Variants in BOD1 observed in about 807,000 individuals in gnomAD.
BOD1 encodes the protein biorientation of chromosomes in cell division protein 1.
A neutral mutation model predicts 15.7 loss-of-function variants in BOD1; 11 were observed. The observed-to-expected ratio is 0.70, with a 90% confidence interval of 0.44 to 1.16. The LOEUF (loss-of-function observed/expected upper bound fraction) is 1.16, where lower values mean the gene tolerates loss of function less well. Ranked by LOEUF, BOD1 falls within the 50% of genes most tolerant of loss-of-function variation. The pLI is 0.00. For missense variants in BOD1, 182 were observed against 244.5 expected, an observed-to-expected ratio of 0.74 and a Z score of 1.70; for synonymous variants, 105 against 103.5, an observed-to-expected ratio of 1.01 and a Z score of -0.09.
intron 2 of BOD1, chr5:173,609,673 T>C: frequency 4.4e-6 from 2 of 457,652 alleles, no homozygotes; most frequent in South Asian, 4.0e-5. Context: ...CACCCAACCT[T>C]GTACAAAAGA....
chr5:173,611,067 T>C (rs925507448), intron 2 of BOD1, among the ~76,000 whole-genome samples: 1 of 152,128 alleles, frequency 6.6e-6, no homozygotes, highest in African/African-American at 2.4e-5. Flanking sequence ...CGGCGCCTTG[T>C]TAAAGCATCC....
intron 3 of BOD1, among the ~76,000 whole-genome samples, chr5:173,608,843 T>C (rs556358266): frequency 6.6e-6 from 1 of 152,342 alleles, no homozygotes; most frequent in African/African-American, 2.4e-5. Flanking sequence ...CTGAATCCCA[T>C]TTAGGATATC....
chr5:173,616,558 G>A lies in BOD1; in HGVS notation c.-122C>T, dbSNP rs550758343. On this transcript the variant is annotated 5_prime_UTR_variant, in exon 1 of 4. Transcript: ENST00000311086. The stretch of plus-strand genomic sequence containing the variant: ...AGGAGGGCCCCAAGGCGGCAGCGGC[G>A]GAGGTGGCGATGGCGGCAGGGGCGG... The A allele has an allele frequency of 1.2e-3, 1,685 of 1,389,550 alleles. 2 individuals carry two copies. Among genetic ancestry groups the A allele is most frequent in the African/African-American group, 4.0e-3 (259 of 65,452 alleles). 86.1% of individuals were successfully genotyped at this position (1,389,550 alleles called of 1,614,324 possible). A position where few individuals can be genotyped will look rare whatever the true frequency, so the allele number is the denominator to read the frequency against.
At position 173,616,596 on chromosome 5, in the gene BOD1, C is replaced by A; in HGVS notation, c.-160G>T. ...GCGGCAGGGGCGGTGGTGGGGGCGG[C>A]GGCGGCGAAGGCCCCCTCTGATACA... On this transcript the variant is annotated 5_prime_UTR_variant, in exon 1 of 4. Transcript: ENST00000311086. 1.5e-6 allele frequency: 2 copies of A among 1,351,372 alleles called. No homozygotes were observed. Among genetic ancestry groups the A allele is most frequent in the South Asian group, 1.8e-5 (1 of 56,302 alleles). 83.7% of individuals were successfully genotyped at this position (1,351,372 alleles called of 1,614,324 possible). A position where few individuals can be genotyped will look rare whatever the true frequency, so the allele number is the denominator to read the frequency against.
chr5:173,608,307 T>C lies in BOD1; in HGVS notation c.*2-15A>G, dbSNP rs1469297639. On this transcript the variant is annotated splice_polypyrimidine_tract_variant and intron_variant, in intron 3 of 3. Transcript: ENST00000311086. ...TCTGGCGTATTCTAAAAAGGAAAGA[T>C]AATCATATCAAAATGTTATTTATTG... 1.3e-6 allele frequency: 2 copies of C among 1,586,692 alleles called. No homozygotes were observed. Among genetic ancestry groups the C allele is most frequent in the South Asian group, 1.1e-5 (1 of 90,494 alleles).
In BOD1 at chr5:173,616,180, G is replaced by T; in HGVS notation, c.237+20C>A. On this transcript the variant is annotated intron_variant, in intron 1 of 3. Coordinates refer to ENST00000311086, the MANE Select transcript of BOD1 (RefSeq NM_138369.3). ...CTCACGTGCAGCCCCGCTCCCCAACGCCCAGGCGGCCGCAGCTACCTTGGT... is the reference window on the plus strand; with the variant it reads ...CTCACGTGCAGCCCCGCTCCCCAACTCCCAGGCGGCCGCAGCTACCTTGGT... 6.4e-7 allele frequency: 1 copy of T among 1,568,372 alleles called. No individual in the cohort carries two copies.
intron 2 of BOD1, 115 bp from the exon 3 acceptor site, chr5:173,609,549 C>T (rs373555099): frequency 2.7e-6 from 3 of 1,092,182 alleles, no homozygotes; most frequent in Non-Finnish European, 2.7e-6. Context: ...TACAGCCCTT[C>T]TAGGGAGTTT....
chr5:173,610,265 T>C (rs548742219), intron 2 of BOD1, among the ~76,000 whole-genome samples: 1 of 152,240 alleles, frequency 6.6e-6, no homozygotes, highest in Non-Finnish European at 1.5e-5. Context: ...AGGTTTTACT[T>C]ATTTTCCCGT....
chr5:173,609,772 G>C (rs1401089162), intron 2 of BOD1: 3 of 245,924 alleles, frequency 1.2e-5, no homozygotes, highest in African/African-American at 6.7e-5. Context: ...GCACTGAAAA[G>C]CTTCCTCGTA....
chr5:173,608,648 CTAA>C (rs1484008465), intron 3 of BOD1, among the ~76,000 whole-genome samples: 4 of 152,362 alleles, frequency 2.6e-5, no homozygotes, highest in Non-Finnish European at 4.4e-5. Flanking sequence ...GCTGCTCCTA[CTAA>C]TGTCTCCCAA....
At position 173,607,603 on chromosome 5, in the gene BOD1, A is replaced by G. The variant is rs1245984032; in HGVS notation, c.*691T>C. 1 of 152,374 alleles carries G rather than the reference A, an allele frequency of 6.6e-6. No homozygotes were observed. Among genetic ancestry groups the G allele is most frequent in the Non-Finnish European group, 1.5e-5 (1 of 68,046 alleles). 9.4% of individuals were successfully genotyped at this position (152,374 alleles called of 1,614,324 possible). ...TCTAAAAAAACACAAATGTGAGAATAAAATAAACATACCTAAGACTCACTG... is the reference window on the plus strand; with the variant it reads ...TCTAAAAAAACACAAATGTGAGAATGAAATAAACATACCTAAGACTCACTG... On this transcript the variant is annotated 3_prime_UTR_variant, in exon 4 of 4. Transcript: ENST00000311086.
intron 2 of BOD1, among the ~76,000 whole-genome samples, chr5:173,610,928 C>CAGTTGG (rs1222859253): frequency 6.6e-6 from 1 of 152,212 alleles, no homozygotes; most frequent in Non-Finnish European, 1.5e-5. Flanking sequence ...GAAGAACAAG[C>CAGTTGG]AGTTGGCAGT....
At chr5:173,610,977 T>C (rs1196159807) in intron 2 of BOD1, among the ~76,000 whole-genome samples, 2 of 152,184 alleles carry the variant, frequency 1.3e-5, no homozygotes, top group South Asian at 2.1e-4. Context: ...AACCTGACCA[T>C]GCTGGCATCT....
In BOD1 at chr5:173,616,625, G is replaced by A; in HGVS notation, c.-189C>T. ...GGCGAAGGCCCCCTCTGATACAGCAGAGGTTGTGGTGGACGCGGCAGAAAC... is the reference window on the plus strand; with the variant it reads ...GGCGAAGGCCCCCTCTGATACAGCAAAGGTTGTGGTGGACGCGGCAGAAAC... On this transcript the variant is annotated 5_prime_UTR_variant, in exon 1 of 4. Transcript: ENST00000311086. 3 of 1,328,876 alleles carry A rather than the reference G, an allele frequency of 2.3e-6. No individual in the cohort carries two copies. The highest frequency in any genetic ancestry group is 1.9e-6 in the Non-Finnish European group (2 of 1,045,230). 82.3% of individuals were successfully genotyped at this position (1,328,876 alleles called of 1,614,324 possible). A position where few individuals can be genotyped will look rare whatever the true frequency, so the allele number is the denominator to read the frequency against.
chr5:173,610,218 G>A lies in BOD1; in HGVS notation c.363-784C>T, dbSNP rs72822198. On this transcript the variant is annotated intron_variant, in intron 2 of 3. Transcript: ENST00000311086. ...TCAAAGTGAAGTGTTCTTCTCAAAG[G>A]ACTGAAATATTCCAATACCATCACA... 1.7e-3 allele frequency among the ~76,000 whole-genome samples: 263 copies of A among 152,274 alleles called. 1 individual carries two copies. The highest frequency in any genetic ancestry group is 2.9e-3 in the Admixed American group (44 of 15,308).
At chr5:173,612,419 C>T (rs769927102) in intron 2 of BOD1, among the ~76,000 whole-genome samples, 8 of 152,202 alleles carry the variant, frequency 5.3e-5, no homozygotes, top group Non-Finnish European at 7.3e-5. Flanking sequence ...CTTTACCATA[C>T]GAGCTGTTGC....
intron 2 of BOD1, chr5:173,609,692 C>T: frequency 2.4e-6 from 1 of 410,024 alleles, no homozygotes; most frequent in Non-Finnish European, 4.4e-6. Flanking sequence ...GAATCAAAAA[C>T]AAAACTAAGT....
chr5:173,608,230 C>T lies in BOD1; in HGVS notation c.*64G>A. ...GGCCTATCTTCAGTCTGAAGTTGCA[C>T]TCTTATGTAACCGAATCCATTTCTT... is the stretch of plus-strand genomic sequence containing the variant. On this transcript the variant is annotated 3_prime_UTR_variant, in exon 4 of 4. Transcript: ENST00000311086. 6.2e-7 allele frequency: 1 copy of T among 1,603,180 alleles called. No homozygotes were observed. Among genetic ancestry groups the T allele is most frequent in the South Asian group, 1.1e-5 (1 of 90,792 alleles).
At chr5:173,611,696 G>A (rs564380246) in intron 2 of BOD1, among the ~76,000 whole-genome samples, 46 of 152,302 alleles carry the variant, frequency 3.0e-4, no homozygotes, top group African/African-American at 1.0e-3. Context: ...GGGTGATCAA[G>A]GGATGTTCTA....
Sources: allele counts gnomAD v4.1 joint callset (sites outside exome capture counted in the v4.1 genomes callset), GRCh38; gene constraint gnomAD v4.1.1; transcripts MANE v1.5; gene names NCBI Gene and HGNC (gene_info 2026-07-23, HGNC 2026-07-21).